Variants in ASIC2 observed in about 807,000 individuals in gnomAD.
ASIC2 encodes the protein acid sensing ion channel subunit 2.
Under a neutral mutation model 57.3 loss-of-function variants are expected in ASIC2, and 25 were observed. The ratio of observed to expected loss-of-function variants is 0.44; its 90% CI spans 0.32 to 0.61. The LOEUF is 0.61. ASIC2 is among the 20% of genes least tolerant of loss of function. ASIC2 has a pLI of 0.06. For synonymous variants in ASIC2, 319 were observed against 307.5 expected (o/e 1.04, Z -0.39); for missense variants, 641 against 738.1 (o/e 0.87, Z 1.52).
intron 1 of ASIC2, among the ~76,000 whole-genome samples, chr17:33,391,666 C>T (rs1218044565): frequency 6.6e-6 from 1 of 152,148 alleles, no homozygotes; most frequent in Admixed American, 6.5e-5. Flanking sequence ...CCTTGAGTTG[C>T]ACTCAATTCC....
chr17:33,737,406 T>C (rs1002579472), intron 1 of ASIC2, among the ~76,000 whole-genome samples: 1 of 152,268 alleles, frequency 6.6e-6, no homozygotes, highest in South Asian at 2.1e-4. Flanking sequence ...ACATTCTTTG[T>C]AGGACCTCCT....
At chr17:33,070,696 C>T (rs1461707230) in intron 3 of ASIC2, among the ~76,000 whole-genome samples, 2 of 152,120 alleles carry the variant, frequency 1.3e-5, no homozygotes, top group Admixed American at 6.5e-5. Flanking sequence ...GCTCCTCATT[C>T]CTTTTGTGTG....
chr17:33,147,369 A>G (rs554808974), intron 1 of ASIC2, among the ~76,000 whole-genome samples: 2 of 152,278 alleles, frequency 1.3e-5, no homozygotes, highest in Admixed American at 6.5e-5. Context: ...AAGAGAAACA[A>G]TTTTCATTGT....
intron 1 of ASIC2, among the ~76,000 whole-genome samples, chr17:33,437,015 G>A (rs1167536571): frequency 6.7e-6 from 1 of 149,462 alleles, no homozygotes; most frequent in Non-Finnish European, 1.5e-5. Context: ...ACAGGCGCCC[G>A]CTACCACGCC....
intron 1 of ASIC2, among the ~76,000 whole-genome samples, chr17:33,481,080 C>G (rs1359203322): frequency 1.3e-5 from 2 of 152,220 alleles, no homozygotes; most frequent in Non-Finnish European, 2.9e-5. Flanking sequence ...CTTCATCTCT[C>G]TTGTGCCTGT....
intron 1 of ASIC2, among the ~76,000 whole-genome samples, chr17:33,430,219 C>T (rs1242346009): frequency 6.6e-6 from 1 of 152,168 alleles, no homozygotes; most frequent in Non-Finnish European, 1.5e-5. Flanking sequence ...TCACCTGGGC[C>T]TCAGTGCCTT....
intron 1 of ASIC2, among the ~76,000 whole-genome samples, chr17:34,083,946 T>C (rs944663649): frequency 2.0e-4 from 31 of 152,256 alleles, no homozygotes; most frequent in African/African-American, 7.0e-4. Flanking sequence ...GAGTAGGTTG[T>C]GAAAATTTTC....
At position 33,017,617 on chromosome 17, in the gene ASIC2, A is replaced by G. The variant is rs2091814019; in HGVS notation, c.1509T>C (p.Asp503=). The stretch of plus-strand genomic sequence containing the variant: ...TCCCAAATCTTACCTCATAAATATA[A>G]TCAAAGAGCTCTAGTATTGTAAGGA... ...ASILTILELF[D]YIYELIKEKL... Residue 503 remains aspartate, a synonymous_variant, in exon 8 of 10, where the codon GAT becomes GAC. Coordinates refer to ENST00000225823, the MANE Select transcript of ASIC2 (RefSeq NM_183377.2). 6.2e-7 allele frequency: 1 copy of G among 1,612,950 alleles called. No individual in the cohort carries two copies. Among genetic ancestry groups the G allele is most frequent in the Admixed American group, 1.7e-5 (1 of 59,978 alleles).
chr17:33,858,436 G>A (rs1043078560), intron 1 of ASIC2, among the ~76,000 whole-genome samples: 19 of 152,192 alleles, frequency 1.2e-4, no homozygotes, highest in Non-Finnish European at 2.8e-4. Context: ...GTCCGGGAGC[G>A]ATTCCCTCTG....
At chr17:33,961,172 G>A (rs1904908542) in intron 1 of ASIC2, among the ~76,000 whole-genome samples, 1 of 152,176 alleles carries the variant, frequency 6.6e-6, no homozygotes, top group African/African-American at 2.4e-5. Flanking sequence ...AATTTGACCG[G>A]CTTTGACCAA....
At chr17:33,358,741 A>G (rs1329516687) in intron 1 of ASIC2, among the ~76,000 whole-genome samples, 1 of 152,218 alleles carries the variant, frequency 6.6e-6, no homozygotes, top group East Asian at 1.9e-4. Flanking sequence ...AACTGCTCCT[A>G]TTGAAGATCC....
At chr17:33,197,055 C>G (rs1906660274) in intron 1 of ASIC2, among the ~76,000 whole-genome samples, 1 of 152,192 alleles carries the variant, frequency 6.6e-6, no homozygotes, top group African/African-American at 2.4e-5. Flanking sequence ...TGTCTAATTT[C>G]CTGAGAAAGT....
chr17:33,292,241 C>A lies in ASIC2; in HGVS notation c.-126G>T, dbSNP rs1905513141. 1 of 996,764 alleles carries A rather than the reference C, an allele frequency of 1.0e-6. No individual in the cohort carries two copies. Among genetic ancestry groups the A allele is most frequent in the Non-Finnish European group, 1.2e-6 (1 of 839,238 alleles). 61.7% of individuals were successfully genotyped at this position (996,764 alleles called of 1,614,324 possible). A position where few individuals can be genotyped will look rare whatever the true frequency, so the allele number is the denominator to read the frequency against. On this transcript the variant is annotated 5_prime_UTR_variant, in exon 1 of 10. Coordinates refer to ENST00000225823, the MANE Select transcript of ASIC2 (RefSeq NM_183377.2). ...GCGCAGCCCGCGCCAGGGAAGCGTG[C>A]GCCCGAAAGGAGCTCCGGTGGCGCG...
intron 1 of ASIC2, among the ~76,000 whole-genome samples, chr17:33,455,471 C>G (rs542451854): frequency 6.6e-6 from 1 of 152,272 alleles, no homozygotes; most frequent in Non-Finnish European, 1.5e-5. Flanking sequence ...GTTAATTTAC[C>G]TGGGATAATA....
intron 1 of ASIC2, among the ~76,000 whole-genome samples, chr17:33,589,970 A>T (rs1904773739): frequency 6.6e-6 from 1 of 152,218 alleles, no homozygotes; most frequent in Admixed American, 6.5e-5. Context: ...ACAGTAGATT[A>T]ATGCCAAGGG....
At chr17:33,506,357 G>A (rs181288813) in intron 1 of ASIC2, among the ~76,000 whole-genome samples, 167 of 150,746 alleles carry the variant, frequency 1.1e-3, no homozygotes, top group Non-Finnish European at 8.8e-4. Flanking sequence ...AGCTTGCAGC[G>A]AGCCAAGATC....
chr17:33,180,735 C>G (rs1905948766), intron 1 of ASIC2, among the ~76,000 whole-genome samples: 1 of 152,188 alleles, frequency 6.6e-6, no homozygotes, highest in Admixed American at 6.5e-5. Context: ...ATCGTGCTTC[C>G]TGATGCTTCC....
intron 1 of ASIC2, among the ~76,000 whole-genome samples, chr17:33,826,872 C>T (rs1281705293): frequency 6.6e-6 from 1 of 152,142 alleles, no homozygotes; most frequent in East Asian, 1.9e-4. Flanking sequence ...TACAGATATA[C>T]TCCAAGCAAT....
At chr17:34,145,196 A>G (rs1912384382) in intron 1 of ASIC2, among the ~76,000 whole-genome samples, 1 of 152,104 alleles carries the variant, frequency 6.6e-6, no homozygotes. Context: ...GATGAACTGA[A>G]ATATCCACTC....
Sources: gnomAD v4.1 joint callset for allele counts (sites outside exome capture counted in the v4.1 genomes callset) on GRCh38, gnomAD v4.1.1 for gene constraint, MANE v1.5 for transcripts, NCBI Gene and HGNC (gene_info 2026-07-23, HGNC 2026-07-21) for gene names.